The following RANBP2 variants were observed in gnomAD, a reference collection of about 807,000 sequenced individuals.
The protein encoded by RANBP2 is E3 SUMO-protein ligase RanBP2.
A neutral mutation model predicts 303.6 loss-of-function variants in RANBP2; 57 were observed. The ratio of observed to expected loss-of-function variants is 0.19; its 90% CI spans 0.15 to 0.23. The LOEUF (loss-of-function observed/expected upper bound fraction) is 0.23, where lower values mean the gene tolerates loss of function less well. RANBP2 is among the 10% of genes least tolerant of loss of function. The probability of loss-of-function intolerance (pLI) is 1.00; values close to 1 mark genes in which losing one functional copy is unlikely to be tolerated. For synonymous variants in RANBP2, 1,167 were observed against 1,301.5 expected, an observed-to-expected ratio of 0.90 and a Z score of 2.23; for missense variants, 3,138 against 3,780.8, an observed-to-expected ratio of 0.83 and a Z score of 4.46.
chr2:108,821,743 A>G, the RANBP2 span, among the ~76,000 whole-genome samples: 1 of 151,620 alleles, frequency 6.6e-6, no homozygotes, highest in Admixed American at 6.6e-5. Context: ...TCAGAAGTTC[A>G]AGACCAGCCT....
chr2:108,802,537 G>A, the RANBP2 span, among the ~76,000 whole-genome samples: 3 of 145,994 alleles, frequency 2.1e-5, no homozygotes, highest in African/African-American at 7.9e-5. Context: ...GGGCTGAGAC[G>A]ATAGGGTTTT....
chr2:108,927,673 T>C, the RANBP2 span, among the ~76,000 whole-genome samples: 11 of 152,202 alleles, frequency 7.2e-5, no homozygotes, highest in East Asian at 1.9e-3. Context: ...CCCAGCACCC[T>C]GAGTGCATAG....
the RANBP2 span, among the ~76,000 whole-genome samples, chr2:109,533,517 G>A: frequency 2.6e-5 from 4 of 152,236 alleles, no homozygotes; most frequent in Non-Finnish European, 1.5e-5. Context: ...CCACGGGCCT[G>A]AGGAGGAGGC....
chr2:109,647,529 C>T, the RANBP2 span, among the ~76,000 whole-genome samples: 17 of 151,666 alleles, frequency 1.1e-4, no homozygotes, highest in Middle Eastern at 3.4e-3. Context: ...AGTGCAATGG[C>T]GTGATCTCGG....
the RANBP2 span, among the ~76,000 whole-genome samples, chr2:109,512,800 C>T: frequency 7.9e-3 from 1,196 of 152,236 alleles, 17 homozygotes; most frequent in African/African-American, 0.027. Context: ...ACCTAAGACC[C>T]CTCACATGAC....
chr2:109,577,663 A>T, the RANBP2 span, among the ~76,000 whole-genome samples: 1 of 151,982 alleles, frequency 6.6e-6, no homozygotes, highest in East Asian at 1.9e-4. Flanking sequence ...CTGCAATCCC[A>T]GCACTTTGGG....
chr2:108,778,306 T>A (rs1678021246), intron 25 of RANBP2, among the ~76,000 whole-genome samples: 1 of 152,246 alleles, frequency 6.6e-6, no homozygotes, highest in Non-Finnish European at 1.5e-5. Flanking sequence ...GTCATTTTTA[T>A]TCACCAAGCT....
the RANBP2 span, among the ~76,000 whole-genome samples, chr2:109,177,316 T>A: frequency 6.6e-6 from 1 of 152,172 alleles, no homozygotes; most frequent in Non-Finnish European, 1.5e-5. Flanking sequence ...GATTTTCTTT[T>A]ATATCTACTA....
At chr2:109,180,828 C>T in the RANBP2 span, among the ~76,000 whole-genome samples, 1 of 152,146 alleles carries the variant, frequency 6.6e-6, no homozygotes, top group Admixed American at 6.5e-5. Flanking sequence ...GACTAATATA[C>T]TCAGTCAGCT....
the RANBP2 span, among the ~76,000 whole-genome samples, chr2:109,739,192 CT>C: frequency 1.5e-5 from 2 of 136,384 alleles, no homozygotes; most frequent in Non-Finnish European, 3.1e-5. Context: ...CAGTTTTGTT[CT>C]TTTTGCTTAG....
In RANBP2 at chr2:108,756,280, C is replaced by G. The variant is rs545069285; in HGVS notation, c.2466+1021C>G. Among the ~76,000 whole-genome samples, 16 of 152,206 alleles carry G rather than the reference C, an allele frequency of 1.1e-4. No individual in the cohort carries two copies. In the South Asian group the frequency reaches 3.1e-3, roughly 30 times the overall value. ...GTGGTCTGAGCTTCAAAAAGTCTTA[C>G]TATATTTTAATACTTCCATATGAAT... is the stretch of plus-strand genomic sequence containing the variant. On this transcript the variant is annotated intron_variant, in intron 17 of 28. Coordinates refer to ENST00000283195, the MANE Select transcript of RANBP2 (RefSeq NM_006267.5).
chr2:109,033,034 T>C, the RANBP2 span, among the ~76,000 whole-genome samples: 1 of 151,492 alleles, frequency 6.6e-6, no homozygotes, highest in Non-Finnish European at 1.5e-5. Context: ...ACATCAGCCA[T>C]GGGAAATACA....
chr2:109,212,721 A>G, the RANBP2 span, among the ~76,000 whole-genome samples: 1 of 152,274 alleles, frequency 6.6e-6, no homozygotes, highest in African/African-American at 2.4e-5. Flanking sequence ...TATAATAAAG[A>G]CCCATTCTCT....
At chr2:109,271,485 A>G in the RANBP2 span, among the ~76,000 whole-genome samples, 1 of 152,232 alleles carries the variant, frequency 6.6e-6, no homozygotes, top group Non-Finnish European at 1.5e-5. Context: ...CCCGTAAATC[A>G]ACGTGAGACT....
chr2:109,196,541 G>T, the RANBP2 span, among the ~76,000 whole-genome samples: 1 of 152,212 alleles, frequency 6.6e-6, no homozygotes, highest in African/African-American at 2.4e-5. Flanking sequence ...GTGCTGAGAG[G>T]TCCGTGGGTT....
At chr2:109,535,249 A>T in the RANBP2 span, among the ~76,000 whole-genome samples, 1 of 152,094 alleles carries the variant, frequency 6.6e-6, no homozygotes, top group East Asian at 1.9e-4. Flanking sequence ...CTTTATTTCT[A>T]AACATTTTGT....
Position 108,783,587 on chromosome 2 carries a change from T to G in RANBP2, c.9370-9T>G. The G allele has an allele frequency of 1.9e-6, 3 of 1,596,312 alleles. No individual in the cohort carries two copies. Among genetic ancestry groups the G allele is most frequent in the Non-Finnish European group, 2.6e-6 (3 of 1,170,454 alleles). ...TTTTTAACTTTTTTATTATAAATCTTTTTTTCAGGGAGGAGATATCACCAA... is the reference window on the plus strand; with the variant it reads ...TTTTTAACTTTTTTATTATAAATCTGTTTTTCAGGGAGGAGATATCACCAA... On this transcript the variant is annotated splice_polypyrimidine_tract_variant and intron_variant, in intron 28 of 28. Coordinates refer to ENST00000283195, the MANE Select transcript of RANBP2 (RefSeq NM_006267.5).
the RANBP2 span, among the ~76,000 whole-genome samples, chr2:109,736,054 T>C: frequency 6.6e-6 from 1 of 152,182 alleles, no homozygotes; most frequent in Non-Finnish European, 1.5e-5. Context: ...GTGGAAACCA[T>C]CTGCAGGCAA....
the RANBP2 span, among the ~76,000 whole-genome samples, chr2:109,387,079 A>ATGTG: frequency 6.6e-6 from 1 of 152,234 alleles, no homozygotes; most frequent in Non-Finnish European, 1.5e-5. Context: ...ATATGAATAT[A>ATGTG]TGTGTAGAGA....
Sources: gnomAD v4.1 joint callset for allele counts (sites outside exome capture counted in the v4.1 genomes callset) on GRCh38, gnomAD v4.1.1 for gene constraint, MANE v1.5 for transcripts, NCBI Gene and HGNC (gene_info 2026-07-23, HGNC 2026-07-21) for gene names.